Variants in GSE1 observed in about 807,000 individuals in gnomAD.
GSE1 encodes the protein Gse1 coiled-coil protein, also known as genetic suppressor element 1.
In GSE1, 32 loss-of-function variants were observed where a neutral mutation model predicts 112.6. The observed-to-expected ratio is 0.28, with a 90% CI of 0.21 to 0.38. The LOEUF is 0.38. Among genes scored for constraint, GSE1 ranks in the 10% least tolerant of loss-of-function variants. The pLI is 1.00. For synonymous variants in GSE1, 1,115 were observed against 735.6 expected (o/e 1.52, Z -8.35); for missense variants, 2,348 against 1,699.2 (o/e 1.38, Z -6.71).
intron 1 of GSE1, among the ~76,000 whole-genome samples, chr16:85,216,459 A>G (rs1382265922): frequency 6.6e-6 from 1 of 152,230 alleles, no homozygotes; most frequent in Non-Finnish European, 1.5e-5. Context: ...TCTAATAGTG[A>G]TATAATGTTA....
chr16:85,293,910 A>T (rs2045291904), intron 1 of GSE1, among the ~76,000 whole-genome samples: 1 of 151,916 alleles, frequency 6.6e-6, no homozygotes, highest in Admixed American at 6.6e-5. Flanking sequence ...CATCTCAAAG[A>T]CCCACTTTCC....
chr16:85,214,687 T>C (rs1049795914), intron 1 of GSE1, among the ~76,000 whole-genome samples: 5 of 152,306 alleles, frequency 3.3e-5, no homozygotes, highest in South Asian at 2.1e-4. Flanking sequence ...CTGGCCTCTG[T>C]GGCCCCGCCC....
intron 2 of GSE1, among the ~76,000 whole-genome samples, chr16:85,370,609 C>G (rs537458837): frequency 4.2e-4 from 2 of 4,754 alleles, no homozygotes; most frequent in East Asian, 0.016. Context: ...TCTTCCCTCC[C>G]TCCTTCTCTC....
intron 2 of GSE1, among the ~76,000 whole-genome samples, chr16:85,509,693 G>A (rs966130978): frequency 2.0e-5 from 3 of 152,238 alleles, no homozygotes; most frequent in African/African-American, 7.2e-5. Context: ...GGCCATGCCG[G>A]GTGGGAGACG....
In GSE1 at chr16:85,674,802, T is replaced by C. The variant is rs1369193777; in HGVS notation, c.*2263T>C. On this transcript the variant is annotated 3_prime_UTR_variant, in exon 16 of 16. Transcript: ENST00000253458. ...GGGAGCAGTGTCACTGTGCTAGCAATAGTTGGCTTCTCCCCTGTCAGTGGA... is the reference window on the plus strand; with the variant it reads ...GGGAGCAGTGTCACTGTGCTAGCAACAGTTGGCTTCTCCCCTGTCAGTGGA... 7 of 152,500 alleles carry C rather than the reference T, an allele frequency of 4.6e-5. No homozygotes were observed. The highest frequency in any genetic ancestry group is 3.3e-4 in the Admixed American group (5 of 15,284). The allele number at this position is 152,500 out of a possible 1,614,324, so 9.4% of individuals were successfully genotyped here. A position where few individuals can be genotyped will look rare whatever the true frequency, so the allele number is the denominator to read the frequency against.
At chr16:85,414,934 C>T in intron 2 of GSE1, among the ~76,000 whole-genome samples, 2 of 152,174 alleles carry the variant, frequency 1.3e-5, no homozygotes, top group East Asian at 3.9e-4. Context: ...CCGTGCCCAG[C>T]CTGATTTTAT....
At chr16:85,404,067 C>G (rs923274075) in intron 2 of GSE1, among the ~76,000 whole-genome samples, 1 of 152,130 alleles carries the variant, frequency 6.6e-6, no homozygotes, top group African/African-American at 2.4e-5. Context: ...GCCCACCTCT[C>G]AGAAACCAGC....
intron 1 of GSE1, among the ~76,000 whole-genome samples, chr16:85,350,494 G>T (rs890885966): frequency 4.6e-5 from 7 of 152,160 alleles, no homozygotes; most frequent in Admixed American, 1.3e-4. Context: ...AGCCCTGCCA[G>T]CTGGAGCCGA....
chr16:85,201,099 G>T (rs558261456), intron 1 of GSE1, among the ~76,000 whole-genome samples: 1 of 152,270 alleles, frequency 6.6e-6, no homozygotes, highest in African/African-American at 2.4e-5. Flanking sequence ...TGGAGACAGG[G>T]TCTTGCTCTG....
chr16:85,509,797 C>T (rs1461014028), intron 2 of GSE1, among the ~76,000 whole-genome samples: 1 of 152,072 alleles, frequency 6.6e-6, no homozygotes, highest in African/African-American at 2.4e-5. Context: ...GTGTGTGAGT[C>T]CCTTCCTCGC....
chr16:85,667,907 G>A (rs1183477992), intron 13 of GSE1, among the ~76,000 whole-genome samples: 6 of 134,014 alleles, frequency 4.5e-5, no homozygotes, highest in African/African-American at 1.1e-4. Context: ...AATGGTCCAC[G>A]TACCAGAATC....
At chr16:85,596,900 G>A (rs1223208222) in intron 1 of GSE1, among the ~76,000 whole-genome samples, 1 of 152,192 alleles carries the variant, frequency 6.6e-6, no homozygotes, top group African/African-American at 2.4e-5. Flanking sequence ...TCTGGGCGTG[G>A]TGGCACACAC....
chr16:85,614,952 G>T (rs956540743), intron 1 of GSE1, among the ~76,000 whole-genome samples: 1 of 152,250 alleles, frequency 6.6e-6, no homozygotes, highest in African/African-American at 2.4e-5. Flanking sequence ...GGACAAAGGG[G>T]CAGAGAGAAG....
intron 1 of GSE1, among the ~76,000 whole-genome samples, chr16:85,206,679 C>G (rs1310849407): frequency 6.6e-6 from 1 of 151,934 alleles, no homozygotes; most frequent in Non-Finnish European, 1.5e-5. Context: ...CCCGTCCCCT[C>G]CCCGGCTGGG....
chr16:85,487,954 C>T (rs2151887437), intron 2 of GSE1, among the ~76,000 whole-genome samples: 1 of 152,354 alleles, frequency 6.6e-6, no homozygotes, highest in African/African-American at 2.4e-5. Flanking sequence ...GGCTATACCC[C>T]AGTGCCACTA....
intron 1 of GSE1, among the ~76,000 whole-genome samples, chr16:85,556,759 C>G (rs924510744): frequency 2.0e-4 from 29 of 145,492 alleles, no homozygotes; most frequent in Admixed American, 5.4e-4. Flanking sequence ...GCCCCCCCCC[C>G]CCCCAGTCCT....
At chr16:85,664,984 G>C (rs2052719925) in intron 11 of GSE1, 31 bp from the exon 12 acceptor site, 2 of 1,340,290 alleles carry the variant, frequency 1.5e-6, no homozygotes, top group South Asian at 1.2e-5. Flanking sequence ...GATGCAACTG[G>C]CTCGTTAATC....
rs934612357 is a variant in GSE1, at chr16:85,332,233, C to A, written c.2284-25230C>A. 2.0e-5 allele frequency among the ~76,000 whole-genome samples: 3 copies of A among 152,192 alleles called. 1 individual carries two copies. The highest frequency in any genetic ancestry group is 6.5e-5 in the Admixed American group (1 of 15,284). On this transcript the variant is annotated intron_variant, in intron 1 of 2. Coordinates refer to the GSE1 transcript ENST00000637419. Reference sequence around the variant, plus strand: ...CTGTCCTTTGGGGTCCTGTAGCCGTCGGCCATGAGAGGGGGCTGCAGTGCC... The same window carrying A: ...CTGTCCTTTGGGGTCCTGTAGCCGTAGGCCATGAGAGGGGGCTGCAGTGCC...
intron 1 of GSE1, among the ~76,000 whole-genome samples, chr16:85,345,678 C>T (rs1243666755): frequency 6.6e-6 from 1 of 152,182 alleles, no homozygotes; most frequent in East Asian, 1.9e-4. Flanking sequence ...TATGGCACTT[C>T]CTACTGATGG....
Sources: allele counts gnomAD v4.1 joint callset (sites outside exome capture counted in the v4.1 genomes callset), GRCh38; gene constraint gnomAD v4.1.1; transcripts MANE v1.5; gene names NCBI Gene and HGNC (gene_info 2026-07-23, HGNC 2026-07-21).